The following ZNF865 variants were observed in gnomAD, a reference collection of about 807,000 sequenced individuals.
ZNF865 encodes zinc finger protein 865.
For missense variants in ZNF865, 1,311 were observed against 1,593.4 expected (o/e 0.82, Z 3.02); for synonymous variants, 763 against 750.8 (o/e 1.02, Z -0.27).
intron 1 of ZNF865, among the ~76,000 whole-genome samples, chr19:55,608,534 A>G (rs1036804695): frequency 2.0e-5 from 3 of 151,948 alleles, no homozygotes; most frequent in Non-Finnish European, 4.4e-5. Context: ...GGCTGGTCTC[A>G]AACTCCCGAC....
chr19:55,614,540 GC>G lies in ZNF865; in HGVS notation c.927del (p.Ser310ProfsTer84). ...CGCTGCCAGCGCCGCCACCGCCGCC[GC>G]CCCCTCCACGGTGTCCTCGGGCCCT... Reference protein sequence around the residue: ...APAASAATAAAPSTVSSGPPA... With the variant: ...APAASAATAAXPSTVSSGPPA... On this transcript the variant is annotated frameshift_variant, in exon 2 of 2. Transcript: ENST00000568956. LOFTEE classifies it low-confidence loss of function (END_TRUNC). This position sits in a 1 kb window ranked among gnomAD's most constrained non-coding sequence, Gnocchi z 8.0. 2 of 1,369,776 alleles carry G rather than the reference GC, an allele frequency of 1.5e-6. No individual in the cohort carries two copies. The allele number at this position is 1,369,776 out of a possible 1,614,324, so 84.9% of individuals were successfully genotyped here.
Position 55,613,969 on chromosome 19 carries a change from C to T in ZNF865, c.351C>T (p.Ser117=). Residue 117 remains serine, a synonymous_variant, in exon 2 of 2, where the codon TCC becomes TCT. Coordinates refer to ENST00000568956, the MANE Select transcript of ZNF865 (RefSeq NM_001195605.2). The part of the protein sequence containing the change: ...SSSSSSSSSS[S]QAKKPDPPLP... ...CGTCATCTTCGTCCTCTTCCTCTTC[C>T]CAAGCCAAGAAGCCCGATCCGCCCC... 2.6e-6 allele frequency: 4 copies of T among 1,530,174 alleles called. No homozygotes were observed. The highest frequency in any genetic ancestry group is 3.5e-6 in the Non-Finnish European group (4 of 1,144,044). The allele number at this position is 1,530,174 out of a possible 1,614,324, so 94.8% of individuals were successfully genotyped here. A position where few individuals can be genotyped will look rare whatever the true frequency, so the allele number is the denominator to read the frequency against.
rs1277189975 is a variant in ZNF865 at position 55,616,676 on chromosome 19, T to C, written c.3058T>C (p.Ser1020Pro). ...CCAGGGCGGCCGGCCCTTCCGCTGC[T>C]CCTCCTGCGGCGAGGGCTTCGCCAA... ...AHQGGRPFRC[S>P]SCGEGFANTY... Residue 1020 changes from serine (S) to proline (P), a missense_variant, in exon 2 of 2, where the codon TCC becomes CCC. Transcript: ENST00000568956. 5.9e-6 allele frequency: 9 copies of C among 1,529,962 alleles called. No individual in the cohort carries two copies. Among genetic ancestry groups the C allele is most frequent in the Non-Finnish European group, 7.9e-6 (9 of 1,144,350 alleles). 94.8% of individuals were successfully genotyped at this position (1,529,962 alleles called of 1,614,324 possible). A position where few individuals can be genotyped will look rare whatever the true frequency, so the allele number is the denominator to read the frequency against.
In ZNF865 at chr19:55,611,754, GGGTA is replaced by G. The variant is rs904545549; in HGVS notation, c.-26-1836_-26-1833del. On this transcript the variant is annotated intron_variant, in intron 1 of 1. Coordinates refer to ENST00000568956, the MANE Select transcript of ZNF865 (RefSeq NM_001195605.2). This position sits in a 1 kb window ranked among gnomAD's most constrained non-coding sequence, Gnocchi z 4.5. ...CTGGGCTTAGAGCCTGGCCCCCATC[GGGTA>G]GGGATGATGGACAGGAAGCGGGTCA... 4.6e-5 allele frequency among the ~76,000 whole-genome samples: 7 copies of G among 152,148 alleles called. No homozygotes were observed. Among genetic ancestry groups the G allele is most frequent in the East Asian group, 3.9e-4 (2 of 5,190 alleles).
Position 55,614,217 on chromosome 19 carries a change from C to T in ZNF865, c.599C>T (p.Ala200Val), listed in dbSNP as rs1981253323. The change falls in exon 2 of 2, where the codon GCG becomes GTG. Residue 200 changes from alanine to valine, a missense_variant. Ala to Val is a moderately conservative substitution (Grantham distance 64, BLOSUM62 0). Coordinates refer to ENST00000568956, the MANE Select transcript of ZNF865 (RefSeq NM_001195605.2). The surrounding 1 kb of genome is among the most constrained non-coding windows in gnomAD (Gnocchi z 8.0). Reference sequence around the variant, plus strand: ...CAGACCCCGCCAGGACCCCCCGCGGCGGCGGCCTGCGACCCCACCAAGGAC... The same window carrying T: ...CAGACCCCGCCAGGACCCCCCGCGGTGGCGGCCTGCGACCCCACCAAGGAC... ...PSQTPPGPPA[A>V]AACDPTKDDK... The T allele has an allele frequency of 6.6e-7, 1 of 1,506,742 alleles. No individual in the cohort carries two copies. The highest frequency in any genetic ancestry group is 8.8e-7 in the Non-Finnish European group (1 of 1,133,296). The allele number at this position is 1,506,742 out of a possible 1,614,324, so 93.3% of individuals were successfully genotyped here. A position where few individuals can be genotyped will look rare whatever the true frequency, so the allele number is the denominator to read the frequency against.
In ZNF865 at chr19:55,614,024, C is replaced by A; in HGVS notation, c.406C>A (p.Pro136Thr). Residue 136 changes from proline (P) to threonine (T), a missense_variant, in exon 2 of 2, where the codon CCC (proline) becomes ACC (threonine). By Grantham distance (38) the Pro-to-Thr change is conservative (BLOSUM62 -1). Transcript: ENST00000568956. The surrounding 1 kb of genome is among the most constrained non-coding windows in gnomAD (Gnocchi z 8.0). ...LPPAFGAPPPPLFDAAFPTPQ... is the reference protein window; with the variant it reads ...LPPAFGAPPPTLFDAAFPTPQ... ...GCCCGCCTTCGGGGCGCCCCCTCCT[C>A]CCCTCTTTGACGCTGCTTTCCCCAC... The A allele has an allele frequency of 6.7e-7, 1 of 1,500,438 alleles. No individual in the cohort carries two copies. The highest frequency in any genetic ancestry group is 1.4e-5 in the African/African-American group (1 of 72,016). The allele number at this position is 1,500,438 out of a possible 1,614,324, so 92.9% of individuals were successfully genotyped here.
intron 1 of ZNF865, 39 bp from the exon 2 acceptor site, chr19:55,613,554 G>T (rs1269858896): frequency 6.9e-7 from 1 of 1,442,576 alleles, no homozygotes; most frequent in Admixed American, 2.7e-5. Flanking sequence ...GAGACCCAGC[G>T]CCGCGGCCGT....
At chr19:55,613,238 AT>A (rs1981201401) in intron 1 of ZNF865, 1 of 220,650 alleles carries the variant, frequency 4.5e-6, no homozygotes, top group Admixed American at 5.7e-5. Flanking sequence ...GTTTCTACAA[AT>A]AATAGAGGGC....
chr19:55,606,727 C>CT (rs1384185884), intron 1 of ZNF865, among the ~76,000 whole-genome samples: 5 of 152,248 alleles, frequency 3.3e-5, no homozygotes, highest in Non-Finnish European at 7.3e-5. Flanking sequence ...CTGCGTTGAA[C>CT]GCATATTCAC....
chr19:55,616,622 G>C lies in ZNF865; in HGVS notation c.3004G>C (p.Gly1002Arg). 1 of 1,526,520 alleles carries C rather than the reference G, an allele frequency of 6.6e-7. No individual in the cohort carries two copies. Among genetic ancestry groups the C allele is most frequent in the South Asian group, 1.2e-5 (1 of 83,252 alleles). 94.6% of individuals were successfully genotyped at this position (1,526,520 alleles called of 1,614,324 possible). A position where few individuals can be genotyped will look rare whatever the true frequency, so the allele number is the denominator to read the frequency against. The change falls in exon 2 of 2, where the codon GGC becomes CGC. Residue 1002 changes from glycine (G) to arginine (R), a missense_variant. By Grantham distance (125) the Gly-to-Arg change is moderately radical. Transcript: ENST00000568956. The part of the protein sequence containing the change: ...PACLKAFKDP[G>R]YFRKHLAAHQ... ...CTGCCTCAAGGCCTTCAAGGATCCC[G>C]GCTACTTCCGTAAGCACCTGGCTGC...
At chr19:55,609,536 C>T (rs898306675) in intron 1 of ZNF865, among the ~76,000 whole-genome samples, 3 of 152,196 alleles carry the variant, frequency 2.0e-5, no homozygotes, top group Admixed American at 6.5e-5. Context: ...CACAAGGCAG[C>T]GTTGTTGCAG....
chr19:55,606,907 A>G (rs2123580617), intron 1 of ZNF865, among the ~76,000 whole-genome samples: 1 of 152,328 alleles, frequency 6.6e-6, no homozygotes, highest in South Asian at 2.1e-4. Context: ...TGAAAGCTGA[A>G]TTACAAGTGG....
chr19:55,616,805 G>A lies in ZNF865; in HGVS notation c.*7G>A, dbSNP rs1455033298. The stretch of plus-strand genomic sequence containing the variant: ...GGCCGGGAAGGATGCCTGACCGAGG[G>A]GTTCCCATCCCACTCCCATCAAAAG... On this transcript the variant is annotated 3_prime_UTR_variant, in exon 2 of 2. Transcript: ENST00000568956. The A allele has an allele frequency of 1.4e-6, 2 of 1,439,196 alleles. No homozygotes were observed. Among genetic ancestry groups the A allele is most frequent in the East Asian group, 2.5e-5 (1 of 39,612 alleles). 89.2% of individuals were successfully genotyped at this position (1,439,196 alleles called of 1,614,324 possible). A position where few individuals can be genotyped will look rare whatever the true frequency, so the allele number is the denominator to read the frequency against.
chr19:55,607,797 G>T (rs1164108868), intron 1 of ZNF865, among the ~76,000 whole-genome samples: 11 of 152,166 alleles, frequency 7.2e-5, no homozygotes. Flanking sequence ...CCCCAGGAGC[G>T]AAGTGATTGG....
At position 55,615,055 on chromosome 19, in the gene ZNF865, G is replaced by A; in HGVS notation, c.1437G>A (p.Ser479=). The part of the protein sequence containing the change: ...AAEAPKDGAA[S]APQPPPTFPP... The stretch of plus-strand genomic sequence containing the variant: ...AGGCGCCCAAGGACGGGGCGGCCTC[G>A]GCCCCGCAGCCCCCGCCCACCTTCC... Residue 479 remains serine (S), a synonymous_variant, in exon 2 of 2, where the codon TCG becomes TCA. Transcript: ENST00000568956. 2 of 1,237,528 alleles carry A rather than the reference G, an allele frequency of 1.6e-6. No homozygotes were observed. Among genetic ancestry groups the A allele is most frequent in the South Asian group, 2.4e-5 (1 of 42,088 alleles). 76.7% of individuals were successfully genotyped at this position (1,237,528 alleles called of 1,614,324 possible).
rs141356516 is a variant in ZNF865, at chr19:55,616,875, C to T, written c.*77C>T. On this transcript the variant is annotated 3_prime_UTR_variant, in exon 2 of 2. Transcript: ENST00000568956. ...CTCCCAGGACTGATCAGACTCTTCC[C>T]CCCTCCTCGCTGTTGCCCCATCCTT... is the stretch of plus-strand genomic sequence containing the variant. 207 of 1,365,620 alleles carry T rather than the reference C, an allele frequency of 1.5e-4. No individual in the cohort carries two copies. The African/African-American group carries it at 2.8e-3, about 18-fold the overall frequency. 84.6% of individuals were successfully genotyped at this position (1,365,620 alleles called of 1,614,324 possible).
Position 55,616,800 on chromosome 19 carries a change from C to G in ZNF865, c.*2C>G. ...ACCTTGGCCGGGAAGGATGCCTGAC[C>G]GAGGGGTTCCCATCCCACTCCCATC... On this transcript the variant is annotated 3_prime_UTR_variant, in exon 2 of 2. Transcript: ENST00000568956. 1 of 1,440,466 alleles carries G rather than the reference C, an allele frequency of 6.9e-7. No individual in the cohort carries two copies. The highest frequency in any genetic ancestry group is 9.1e-7 in the Non-Finnish European group (1 of 1,102,166). 89.2% of individuals were successfully genotyped at this position (1,440,466 alleles called of 1,614,324 possible).
Position 55,611,671 on chromosome 19 carries a change from TGGATAGA to T in ZNF865, c.-26-1916_-26-1910del, listed in dbSNP as rs1383954191. Among the ~76,000 whole-genome samples the T allele has an allele frequency of 6.6e-6, 1 of 151,984 alleles. No homozygotes were observed. The highest frequency in any genetic ancestry group is 6.6e-5 in the Admixed American group (1 of 15,250). On this transcript the variant is annotated intron_variant, in intron 1 of 1. Transcript: ENST00000568956. The surrounding 1 kb of genome is among the most constrained non-coding windows in gnomAD (Gnocchi z 4.5). ...CCTGTGGGAGGAGAGAGCAGCCCGATGGATAGAGGATAAAGGGTCCAGGCCTTGGTAG... is the reference window on the plus strand; with the variant it reads ...CCTGTGGGAGGAGAGAGCAGCCCGATGGATAAAGGGTCCAGGCCTTGGTAG...
chr19:55,615,102 C>T lies in ZNF865; in HGVS notation c.1484C>T (p.Pro495Leu). The T allele has an allele frequency of 8.3e-7, 1 of 1,203,994 alleles. No individual in the cohort carries two copies. Among genetic ancestry groups the T allele is most frequent in the Non-Finnish European group, 1.0e-6 (1 of 968,424 alleles). The allele number at this position is 1,203,994 out of a possible 1,614,324, so 74.6% of individuals were successfully genotyped here. ...TTCCCCCCGGGCCCGTACCTCCTGC[C>T]CCCCGACCCTCCCACCACAGACAGC... ...PTFPPGPYLL[P>L]PDPPTTDSEK... The change falls in exon 2 of 2, where the codon CCC becomes CTC. Residue 495 changes from proline (P) to leucine (L), a missense_variant. Physicochemically the swap from Pro to Leu is moderately conservative, Grantham distance 98 (BLOSUM62 -3). Coordinates refer to ENST00000568956, the MANE Select transcript of ZNF865 (RefSeq NM_001195605.2).
Sources: allele counts gnomAD v4.1 joint callset (sites outside exome capture counted in the v4.1 genomes callset), GRCh38; gene constraint gnomAD v4.1.1; non-coding constraint Gnocchi (gnomAD v3.1); transcripts MANE v1.5; gene names NCBI Gene and HGNC (gene_info 2026-07-23, HGNC 2026-07-21).